Variants in SMIM35 observed in about 807,000 individuals in gnomAD.
The protein encoded by SMIM35 is TMPRSS4 antisense RNA 1 (non-protein coding).
intron 1 of SMIM35, among the ~76,000 whole-genome samples, chr11:118,074,722 G>A: frequency 6.7e-6 from 1 of 149,246 alleles, no homozygotes; most frequent in East Asian, 1.9e-4. Context: ...ACTCCAGCCT[G>A]GGCAACAGAG....
intron 1 of SMIM35, among the ~76,000 whole-genome samples, chr11:118,031,559 T>C (rs2058319911): frequency 6.6e-6 from 1 of 152,128 alleles, no homozygotes; most frequent in East Asian, 1.9e-4. Context: ...TGATTTGATA[T>C]TTGAGTATCA....
At chr11:118,064,786 G>A (rs552421957) in intron 1 of SMIM35, among the ~76,000 whole-genome samples, 3 of 152,324 alleles carry the variant, frequency 2.0e-5, no homozygotes, top group African/African-American at 7.2e-5. Flanking sequence ...TGGGACTACA[G>A]GCATGTGCCA....
chr11:118,067,724 C>T (rs371424499), intron 1 of SMIM35, among the ~76,000 whole-genome samples: 5 of 151,086 alleles, frequency 3.3e-5, no homozygotes, highest in East Asian at 2.0e-4. Flanking sequence ...TTCAACTTCT[C>T]GGGAGGCTGA....
intron 1 of SMIM35, among the ~76,000 whole-genome samples, chr11:118,047,924 G>A (rs117301420): frequency 0.015 from 2,325 of 152,262 alleles, 22 homozygotes; most frequent in Non-Finnish European, 0.024. Context: ...CAGCAGCCCA[G>A]AGCGTTTCAA....
intron 1 of SMIM35, among the ~76,000 whole-genome samples, chr11:118,016,421 G>A (rs1347926592): frequency 6.6e-6 from 1 of 152,168 alleles, no homozygotes; most frequent in Non-Finnish European, 1.5e-5. Context: ...AAGCAGAAAG[G>A]ACAACCAGGT....
intron 1 of SMIM35, among the ~76,000 whole-genome samples, chr11:118,040,065 A>AG (rs1344156061): frequency 6.7e-6 from 1 of 149,008 alleles, no homozygotes; most frequent in African/African-American, 2.4e-5. Context: ...AAAAAAAAAA[A>AG]ATCAGCCGGG....
At chr11:118,024,918 T>C (rs1189097813) in intron 1 of SMIM35, among the ~76,000 whole-genome samples, 2 of 152,182 alleles carry the variant, frequency 1.3e-5, no homozygotes, top group Non-Finnish European at 2.9e-5. Flanking sequence ...CAACCCTTGC[T>C]CCTCTCCCTC....
chr11:118,081,062 G>A (rs1945088583), intron 1 of SMIM35, among the ~76,000 whole-genome samples: 1 of 152,172 alleles, frequency 6.6e-6, no homozygotes, highest in South Asian at 2.1e-4. Context: ...CCTAGCACAG[G>A]GCATGGCATC....
Position 118,060,726 on chromosome 11 carries a change from C to T in SMIM35, c.7+26025G>A, listed in dbSNP as rs1197452200. Among the ~76,000 whole-genome samples the T allele has an allele frequency of 2.6e-5, 4 of 152,272 alleles. No homozygotes were observed. In the East Asian group the frequency reaches 5.8e-4, roughly 22 times the overall value. ...CCCTCTGGCTGTTCCCCTCGCCACC[C>T]CTTCCTCTAATTCCCTGCCAGCTCC... On this transcript the variant is annotated intron_variant, in intron 1 of 4. Transcript: ENST00000689828.
At chr11:118,063,602 G>A (rs1944425569) in intron 1 of SMIM35, among the ~76,000 whole-genome samples, 1 of 152,156 alleles carries the variant, frequency 6.6e-6, no homozygotes, top group Non-Finnish European at 1.5e-5. Context: ...GTAGATCAGG[G>A]GCTGATCACC....
intron 1 of SMIM35, among the ~76,000 whole-genome samples, chr11:118,057,477 G>A (rs1432562747): frequency 6.6e-6 from 1 of 152,142 alleles, no homozygotes; most frequent in Non-Finnish European, 1.5e-5. Context: ...TGGGCATCTA[G>A]ATGACACACT....
intron 2 of SMIM35, among the ~76,000 whole-genome samples, chr11:118,015,362 T>C (rs1269100236): frequency 1.3e-5 from 2 of 152,120 alleles, no homozygotes; most frequent in Admixed American, 1.3e-4. Context: ...AAGGAGCCTG[T>C]TGGAGCTTGG....
chr11:118,070,396 C>G (rs1484598603), intron 1 of SMIM35, among the ~76,000 whole-genome samples: 1 of 152,142 alleles, frequency 6.6e-6, no homozygotes, highest in African/African-American at 2.4e-5. Context: ...AGGCTGGTCT[C>G]GAACTCCTGA....
intron 1 of SMIM35, among the ~76,000 whole-genome samples, chr11:118,055,782 C>G (rs1469894690): frequency 6.6e-6 from 1 of 152,090 alleles, no homozygotes; most frequent in Non-Finnish European, 1.5e-5. Flanking sequence ...GGCCAGGCAT[C>G]TGGAAATGGG....
intron 1 of SMIM35, among the ~76,000 whole-genome samples, chr11:118,060,201 C>T (rs1944374697): frequency 6.6e-6 from 1 of 152,202 alleles, no homozygotes; most frequent in African/African-American, 2.4e-5. Flanking sequence ...ACCCATGTGG[C>T]CTGCCTAGAG....
In SMIM35 at chr11:118,004,828, C is replaced by T. The variant is rs2058113506; in HGVS notation, c.*1582G>A. 6.6e-6 allele frequency: 1 copy of T among 152,206 alleles called. No individual in the cohort carries two copies. Among genetic ancestry groups the T allele is most frequent in the African/African-American group, 2.4e-5 (1 of 41,416 alleles). 9.4% of individuals were successfully genotyped at this position (152,206 alleles called of 1,614,324 possible). A position where few individuals can be genotyped will look rare whatever the true frequency, so the allele number is the denominator to read the frequency against. ...CCCAGCCAGGAGCCTCACTGGGGCT[C>T]CTTGGTCAATCACAGCCCATCATCA... On this transcript the variant is annotated 3_prime_UTR_variant, in exon 5 of 5. Coordinates refer to ENST00000689828, the MANE Select transcript of SMIM35 (RefSeq NM_001394165.1).
chr11:118,058,461 C>T (rs1002544659), intron 1 of SMIM35, among the ~76,000 whole-genome samples: 4 of 152,134 alleles, frequency 2.6e-5, no homozygotes, highest in Non-Finnish European at 1.5e-5. Flanking sequence ...GACGAGGGAC[C>T]AGCAAGCAGC....
At chr11:118,025,021 T>G (rs1465112851) in intron 1 of SMIM35, among the ~76,000 whole-genome samples, 6 of 152,184 alleles carry the variant, frequency 3.9e-5, no homozygotes, top group African/African-American at 1.4e-4. Context: ...CATGTGGTAT[T>G]TGGTTTTCTG....
At chr11:118,061,896 TGTAA>T (rs562171531) in intron 1 of SMIM35, among the ~76,000 whole-genome samples, 42 of 152,206 alleles carry the variant, frequency 2.8e-4, no homozygotes, top group South Asian at 2.1e-3. Context: ...AGCATTGGCG[TGTAA>T]GTAACAATGC....
Sources: allele counts gnomAD v4.1 joint callset (sites outside exome capture counted in the v4.1 genomes callset), GRCh38; gene constraint gnomAD v4.1.1; transcripts MANE v1.5; gene names NCBI Gene and HGNC (gene_info 2026-07-23, HGNC 2026-07-21).